Variants in FAM151B observed in about 807,000 individuals in gnomAD.
FAM151B encodes family with sequence similarity 151 member B, also known as protein FAM151B.
In FAM151B, 24 loss-of-function variants were observed where a neutral mutation model predicts 31.2. The observed-to-expected ratio is 0.77, with a 90% CI of 0.56 to 1.08. The LOEUF (loss-of-function observed/expected upper bound fraction) is 1.08. FAM151B is among the 50% of genes least tolerant of loss of function. The probability of loss-of-function intolerance (pLI) is 0.00; values close to 1 mark genes in which losing one functional copy is unlikely to be tolerated. For synonymous variants in FAM151B, 105 were observed against 111.4 expected, an observed-to-expected ratio of 0.94 and a Z score of 0.36; for missense variants, 293 against 328.6, an observed-to-expected ratio of 0.89 and a Z score of 0.84.
intron 2 of FAM151B, 143 bp from the exon 3 acceptor site, chr5:80,513,461 G>C (rs1744275638): frequency 1.4e-6 from 1 of 717,924 alleles, no homozygotes; most frequent in African/African-American, 1.8e-5. Context: ...CTTGTATACT[G>C]CCTGGCATGG....
intron 5 of FAM151B, among the ~76,000 whole-genome samples, chr5:80,537,581 A>C (rs186012556): frequency 6.6e-6 from 1 of 152,194 alleles, no homozygotes; most frequent in Non-Finnish European, 1.5e-5. Context: ...GACAAGGGAT[A>C]AAAACTCCTA....
At chr5:80,527,029 T>C (rs556351055) in intron 5 of FAM151B, among the ~76,000 whole-genome samples, 3 of 152,166 alleles carry the variant, frequency 2.0e-5, no homozygotes, top group Non-Finnish European at 4.4e-5. Flanking sequence ...CCCAAACATA[T>C]CTTATTCTTA....
intron 5 of FAM151B, among the ~76,000 whole-genome samples, chr5:80,534,975 AAAG>A (rs1467472592): frequency 6.6e-5 from 10 of 152,340 alleles, no homozygotes; most frequent in Admixed American, 1.3e-4. Context: ...AACAATTAAA[AAAG>A]AAATCAGAAA....
chr5:80,522,378 G>C, intron 5 of FAM151B: 1 of 367,362 alleles, frequency 2.7e-6, no homozygotes, highest in East Asian at 3.9e-5. Context: ...GTACATAGTA[G>C]GTGCTCAGTA....
chr5:80,494,127 T>C (rs114180462), intron 1 of FAM151B, among the ~76,000 whole-genome samples: 2,339 of 152,294 alleles, frequency 0.015, 56 homozygotes, highest in African/African-American at 0.051. Flanking sequence ...ATGGAGAAAG[T>C]TTGAGTGGTC....
chr5:80,530,039 G>A (rs1299910748), intron 5 of FAM151B, among the ~76,000 whole-genome samples: 3 of 132,264 alleles, frequency 2.3e-5, no homozygotes, highest in Non-Finnish European at 4.9e-5. Flanking sequence ...TATCCAGCAC[G>A]ATCAAGTGGG....
At chr5:80,524,167 T>C (rs565165363) in intron 5 of FAM151B, among the ~76,000 whole-genome samples, 2 of 152,240 alleles carry the variant, frequency 1.3e-5, no homozygotes, top group African/African-American at 4.8e-5. Flanking sequence ...ACATTTACAA[T>C]ATAGATGGAC....
chr5:80,541,520 G>T (rs1745889235), intron 5 of FAM151B, among the ~76,000 whole-genome samples, 153 bp from the exon 6 acceptor site: 1 of 152,192 alleles, frequency 6.6e-6, no homozygotes, highest in Non-Finnish European at 1.5e-5. Flanking sequence ...ATGAAAGAAT[G>T]AAATATGAAA....
At chr5:80,491,102 C>G (rs36153861) in intron 1 of FAM151B, among the ~76,000 whole-genome samples, 17,941 of 152,116 alleles carry the variant, frequency 0.12, 1,286 homozygotes, top group Middle Eastern at 0.23. Flanking sequence ...ATGATTAAGT[C>G]AGGCTAATTA....
At chr5:80,526,045 G>C (rs1292025926) in intron 5 of FAM151B, among the ~76,000 whole-genome samples, 2 of 152,150 alleles carry the variant, frequency 1.3e-5, no homozygotes, top group Admixed American at 1.3e-4. Flanking sequence ...TATACGTGGA[G>C]GATGGGTTCA....
At chr5:80,538,566 TTC>T (rs1745709595) in intron 5 of FAM151B, among the ~76,000 whole-genome samples, 1 of 120,056 alleles carries the variant, frequency 8.3e-6, no homozygotes, top group Admixed American at 8.3e-5. Context: ...CCTTCCTTCC[TTC>T]CTTCCCTCCC....
intron 1 of FAM151B, among the ~76,000 whole-genome samples, chr5:80,496,267 G>A (rs1743533394): frequency 1.3e-5 from 2 of 152,084 alleles, no homozygotes; most frequent in Non-Finnish European, 1.5e-5. Flanking sequence ...CACCCTGATT[G>A]GTCAATAGCC....
intron 2 of FAM151B, among the ~76,000 whole-genome samples, chr5:80,510,345 C>T (rs1032835433): frequency 1.3e-5 from 2 of 152,214 alleles, no homozygotes; most frequent in Non-Finnish European, 2.9e-5. Context: ...GCTTCTCTCT[C>T]TCTATGTGGT....
intron 2 of FAM151B, among the ~76,000 whole-genome samples, chr5:80,505,390 A>G (rs1412912538): frequency 6.8e-6 from 1 of 147,708 alleles, no homozygotes; most frequent in Admixed American, 6.7e-5. Flanking sequence ...ACATCCATTG[A>G]GTTCTTTTTT....
Position 80,515,244 on chromosome 5 carries a change from A to T in FAM151B, c.317+1475A>T, listed in dbSNP as rs371232855. 3.3e-3 allele frequency among the ~76,000 whole-genome samples: 469 copies of T among 142,044 alleles called. 2 individuals are homozygous for T. Among genetic ancestry groups the T allele is most frequent in the African/African-American group, 0.011 (414 of 36,166 alleles). The allele number at this position is 142,044 out of a possible 152,430, so 93.2% of individuals were successfully genotyped here. A position where few individuals can be genotyped will look rare whatever the true frequency, so the allele number is the denominator to read the frequency against. ...AACAAGAGCAAAACTCTGTCTCAAA[A>T]AAATAAATAAATAAATAAATAATAA... is the stretch of plus-strand genomic sequence containing the variant. On this transcript the variant is annotated intron_variant, in intron 3 of 5. Coordinates refer to ENST00000282226, the MANE Select transcript of FAM151B (RefSeq NM_205548.3).
chr5:80,506,144 A>G (rs1743953920), intron 2 of FAM151B: 1 of 983,390 alleles, frequency 1.0e-6, no homozygotes, highest in Admixed American at 6.2e-5. Flanking sequence ...GGTGCATTAC[A>G]ATAAGTTAAT....
chr5:80,496,799 ATTTTTTTTTTTT>A (rs367658683), intron 1 of FAM151B, among the ~76,000 whole-genome samples: 3 of 57,760 alleles, frequency 5.2e-5, no homozygotes, highest in African/African-American at 1.2e-4. Flanking sequence ...TTTTTGCTTA[ATTTTTTTTTTTT>A]TTTTTTTTTT....
intron 1 of FAM151B, among the ~76,000 whole-genome samples, chr5:80,489,726 C>T (rs867427185): frequency 6.6e-6 from 1 of 152,134 alleles, no homozygotes; most frequent in Non-Finnish European, 1.5e-5. Context: ...AGATCAAGAC[C>T]ATCCTGGCTA....
At chr5:80,526,453 C>CAAAAA (rs35345817) in intron 5 of FAM151B, among the ~76,000 whole-genome samples, 1 of 127,038 alleles carries the variant, frequency 7.9e-6, no homozygotes. Flanking sequence ...TACTAAAGTC[C>CAAAAA]AAAAAAAAAA....
Sources: allele counts gnomAD v4.1 joint callset (sites outside exome capture counted in the v4.1 genomes callset), GRCh38; gene constraint gnomAD v4.1.1; transcripts MANE v1.5; gene names NCBI Gene and HGNC (gene_info 2026-07-23, HGNC 2026-07-21).